Variants in ZMAT4 observed in about 807,000 individuals in gnomAD.
The protein encoded by ZMAT4 is zinc finger matrin-type protein 4.
Under a neutral mutation model 28.7 loss-of-function variants are expected in ZMAT4, and 17 were observed. That is an observed-to-expected ratio of 0.59 (90% CI 0.41 to 0.89). The LOEUF (loss-of-function observed/expected upper bound fraction) is 0.89, where lower values mean the gene tolerates loss of function less well. Among genes scored for constraint, ZMAT4 ranks in the 40% least tolerant of loss-of-function variants. The pLI is 0.00. For synonymous variants in ZMAT4, 117 were observed against 109.2 expected, an observed-to-expected ratio of 1.07 and a Z score of -0.44; for missense variants, 240 against 283.8, an observed-to-expected ratio of 0.85 and a Z score of 1.11.
At chr8:40,554,799 T>C (rs978394065) in intron 6 of ZMAT4, among the ~76,000 whole-genome samples, 8 of 152,296 alleles carry the variant, frequency 5.3e-5, no homozygotes, top group African/African-American at 1.9e-4. Context: ...TTATCATTTC[T>C]ATGTGTTGGT....
At chr8:40,754,577 C>A (rs902208344) in intron 3 of ZMAT4, among the ~76,000 whole-genome samples, 2 of 151,936 alleles carry the variant, frequency 1.3e-5, no homozygotes, top group South Asian at 2.1e-4. Context: ...TGTATTTGTA[C>A]CTGTATAACA....
chr8:40,615,491 A>G (rs971221088), intron 5 of ZMAT4, among the ~76,000 whole-genome samples: 3 of 152,202 alleles, frequency 2.0e-5, no homozygotes, highest in African/African-American at 7.2e-5. Context: ...ATGTTAGGGA[A>G]GTTCTCCTGG....
chr8:40,619,407 T>G (rs1432311111), intron 5 of ZMAT4, among the ~76,000 whole-genome samples: 1 of 152,148 alleles, frequency 6.6e-6, no homozygotes, highest in Non-Finnish European at 1.5e-5. Flanking sequence ...TATACATGAG[T>G]AGGGCACACT....
intron 1 of ZMAT4, among the ~76,000 whole-genome samples, chr8:40,891,058 A>T (rs1235658549): frequency 6.6e-6 from 1 of 150,744 alleles, no homozygotes; most frequent in Non-Finnish European, 1.5e-5. Flanking sequence ...CGGGGGCTGG[A>T]TGCGGCAGTG....
chr8:40,545,176 C>T (rs537592824), intron 6 of ZMAT4, among the ~76,000 whole-genome samples: 1 of 152,000 alleles, frequency 6.6e-6, no homozygotes, highest in East Asian at 1.9e-4. Flanking sequence ...CAAGCAACTG[C>T]GCGAGTGAGG....
At chr8:40,725,979 C>T (rs1203569306) in intron 3 of ZMAT4, among the ~76,000 whole-genome samples, 1 of 152,200 alleles carries the variant, frequency 6.6e-6, no homozygotes, top group African/African-American at 2.4e-5. Flanking sequence ...TTCTGCTTTT[C>T]CTATCTTACT....
chr8:40,850,742 C>T (rs1226134132), intron 1 of ZMAT4, among the ~76,000 whole-genome samples: 1 of 152,120 alleles, frequency 6.6e-6, no homozygotes, highest in Non-Finnish European at 1.5e-5. Flanking sequence ...AGAGACATTA[C>T]GTAAACCCTC....
intron 3 of ZMAT4, among the ~76,000 whole-genome samples, chr8:40,722,274 A>G: frequency 6.6e-6 from 1 of 152,196 alleles, no homozygotes; most frequent in Non-Finnish European, 1.5e-5. Context: ...CAACCTACTC[A>G]TCTGACAAAG....
chr8:40,768,124 A>G (rs573128793), intron 2 of ZMAT4, among the ~76,000 whole-genome samples: 1 of 152,340 alleles, frequency 6.6e-6, no homozygotes, highest in East Asian at 1.9e-4. Context: ...TCTGGGGACA[A>G]TGCCTCCTTG....
At chr8:40,849,908 G>C (rs1292532838) in intron 1 of ZMAT4, among the ~76,000 whole-genome samples, 1 of 152,112 alleles carries the variant, frequency 6.6e-6, no homozygotes, top group African/African-American at 2.4e-5. Context: ...TGCCCCGGAG[G>C]CTTCCCCACC....
intron 1 of ZMAT4, among the ~76,000 whole-genome samples, chr8:40,873,834 G>A (rs1475570030): frequency 6.6e-6 from 1 of 152,180 alleles, no homozygotes; most frequent in Non-Finnish European, 1.5e-5. Flanking sequence ...TGTTTTTGAT[G>A]ATGTAAATTC....
intron 3 of ZMAT4, among the ~76,000 whole-genome samples, chr8:40,726,073 G>A (rs536098735): frequency 7.0e-4 from 107 of 152,248 alleles, no homozygotes; most frequent in African/African-American, 2.4e-3. Flanking sequence ...TTTTGACAGA[G>A]GTTTATTAGA....
At chr8:40,833,169 C>T (rs1256642722) in intron 1 of ZMAT4, among the ~76,000 whole-genome samples, 1 of 152,170 alleles carries the variant, frequency 6.6e-6, no homozygotes, top group African/African-American at 2.4e-5. Context: ...GTCCTGTCCC[C>T]ATCACACCTC....
intron 2 of ZMAT4, among the ~76,000 whole-genome samples, chr8:40,812,742 C>T (rs1476844686): frequency 6.6e-6 from 1 of 151,980 alleles, no homozygotes; most frequent in Admixed American, 6.6e-5. Context: ...ACCAGCCTGG[C>T]CAACATAGTG....
At chr8:40,784,180 T>TAAGTAA (rs369547540) in intron 2 of ZMAT4, among the ~76,000 whole-genome samples, 82 of 152,320 alleles carry the variant, frequency 5.4e-4, no homozygotes, top group African/African-American at 1.9e-3. Context: ...CCAAAACCCT[T>TAAGTAA]AAGTAAAACT....
At chr8:40,875,652 C>T (rs1016620185) in intron 1 of ZMAT4, among the ~76,000 whole-genome samples, 2 of 152,074 alleles carry the variant, frequency 1.3e-5, no homozygotes, top group Non-Finnish European at 2.9e-5. Context: ...AGAGTCAGCG[C>T]TTCAGCCCCA....
At chr8:40,582,176 C>T (rs992044063) in intron 5 of ZMAT4, among the ~76,000 whole-genome samples, 9 of 152,198 alleles carry the variant, frequency 5.9e-5, no homozygotes, top group Middle Eastern at 3.4e-3. Flanking sequence ...ATCTACAAGA[C>T]GAAGACAAGG....
chr8:40,892,610 C>A (rs1275456656), intron 1 of ZMAT4, among the ~76,000 whole-genome samples: 5 of 152,226 alleles, frequency 3.3e-5, no homozygotes, highest in Non-Finnish European at 7.3e-5. Context: ...AAATGAACTA[C>A]AAAGCAAATA....
intron 2 of ZMAT4, among the ~76,000 whole-genome samples, chr8:40,819,201 G>A (rs531578297): frequency 6.6e-6 from 1 of 152,206 alleles, no homozygotes; most frequent in African/African-American, 2.4e-5. Flanking sequence ...AACAATACTA[G>A]ATTCTGCCAT....
Sources: gnomAD v4.1 joint callset for allele counts (sites outside exome capture counted in the v4.1 genomes callset) on GRCh38, gnomAD v4.1.1 for gene constraint, MANE v1.5 for transcripts, NCBI Gene and HGNC (gene_info 2026-07-23, HGNC 2026-07-21) for gene names.